The following USP35 variants were observed in gnomAD, a reference collection of about 807,000 sequenced individuals.
The protein encoded by USP35 is ubiquitin specific peptidase 35, also known as ubiquitin carboxyl-terminal hydrolase 35.
A neutral mutation model predicts 83.8 loss-of-function variants in USP35; 69 were observed. The observed-to-expected ratio is 0.82, with a 90% CI of 0.68 to 1.01. The LOEUF (loss-of-function observed/expected upper bound fraction) is 1.01. Ranked by LOEUF, USP35 falls within the 50% of genes least tolerant of loss-of-function variation. The pLI, the probability that USP35 is intolerant of heterozygous loss-of-function variation, is 0.00. For synonymous variants in USP35, 714 were observed against 589.5 expected, an observed-to-expected ratio of 1.21 and a Z score of -3.06; for missense variants, 1,503 against 1,362.5, an observed-to-expected ratio of 1.10 and a Z score of -1.62.
rs771087419 is a variant in USP35 at position 78,210,632 on chromosome 11, G to T, written c.2777G>T (p.Arg926Leu). 6 of 1,614,130 alleles carry T rather than the reference G, an allele frequency of 3.7e-6. No individual in the cohort carries two copies. The highest frequency in any genetic ancestry group is 5.1e-6 in the Non-Finnish European group (6 of 1,179,974). The change falls in exon 10 of 11, where the codon CGG becomes CTG. Residue 926 changes from arginine to leucine, a missense_variant. Transcript: ENST00000529308. ...DTAYVLFYRQ[R>L]PREGPEAELG... is the part of the protein sequence containing the mutation. Reference sequence around the variant, plus strand: ...GCCTATGTGCTGTTTTACCGGCAGCGGCCCAGGGAGGGGCCCGAGGCTGAG... The same window carrying T: ...GCCTATGTGCTGTTTTACCGGCAGCTGCCCAGGGAGGGGCCCGAGGCTGAG...
At chr11:78,219,277 G>T, downstream of USP35, 1 of 1,613,256 alleles carries the variant, frequency 6.2e-7, no homozygotes, top group Non-Finnish European at 8.5e-7. Flanking sequence ...TCTCATCACA[G>T]CTTGGCACCC....
At position 78,210,164 on chromosome 11, in the gene USP35, C is replaced by T. The variant is rs370078988; in HGVS notation, c.2309C>T (p.Ser770Phe). 3 of 1,613,648 alleles carry T rather than the reference C, an allele frequency of 1.9e-6. No individual in the cohort carries two copies. Among genetic ancestry groups the T allele is most frequent in the South Asian group, 1.1e-5 (1 of 91,056 alleles). ...SVLDLVNYFL[S>F]PEKLTAENRY... ...CTGGACCTGGTTAACTACTTCCTGT[C>T]CCCCGAGAAGCTGACAGCAGAAAAC... Residue 770 changes from serine (S) to phenylalanine (F), a missense_variant, in exon 10 of 11, where the codon TCC becomes TTC. Physicochemically the swap from Ser to Phe is radical, Grantham distance 155 (BLOSUM62 -2). Coordinates refer to ENST00000529308, the MANE Select transcript of USP35 (RefSeq NM_020798.4).
At chr11:78,225,228 G>A in the USP35 span, 6 of 1,469,978 alleles carry the variant, frequency 4.1e-6, no homozygotes, top group Non-Finnish European at 5.7e-6. Context: ...GGATTCATAA[G>A]TACTCATGGT....
In USP35 at chr11:78,208,969, G is replaced by T; in HGVS notation, c.1592+6G>T. ...CTGAAGTACCTGCTGGATCGGTAAG[G>T]GGGCCAGGGCTACGCGAAGACTCCA... On this transcript the variant is annotated splice_donor_region_variant and intron_variant, in intron 9 of 10. Coordinates refer to ENST00000529308, the MANE Select transcript of USP35 (RefSeq NM_020798.4). 9 of 1,613,926 alleles carry T rather than the reference G, an allele frequency of 5.6e-6. No homozygotes were observed. The highest frequency in any genetic ancestry group is 7.6e-6 in the Non-Finnish European group (9 of 1,179,822).
At position 78,210,696 on chromosome 11, in the gene USP35, C is replaced by T; in HGVS notation, c.2841C>T (p.His947=). Residue 947 remains histidine (H), a synonymous_variant, in exon 10 of 11, where the codon CAC becomes CAT. Coordinates refer to ENST00000529308, the MANE Select transcript of USP35 (RefSeq NM_020798.4). ...GAGTCCGGACAGAGCCCACCCTGCA[C>T]AAGGACTTGATGGAAGCCATTTCCA... The part of the protein sequence containing the change: ...SSRVRTEPTL[H]KDLMEAISKD... 6.3e-7 allele frequency: 1 copy of T among 1,593,922 alleles called. No homozygotes were observed. The highest frequency in any genetic ancestry group is 8.6e-7 in the Non-Finnish European group (1 of 1,168,922).
chr11:78,208,005 C>T lies in USP35; in HGVS notation c.1485+382C>T, dbSNP rs142232323. Among the ~76,000 whole-genome samples, 123 of 152,306 alleles carry T rather than the reference C, an allele frequency of 8.1e-4. No homozygotes were observed. In the South Asian group the frequency reaches 0.013, roughly 17 times the overall value. On this transcript the variant is annotated intron_variant, in intron 8 of 10. Transcript: ENST00000529308. ...AAGATCGAGGGGCTGTGTCTGGTGA[C>T]GGCCTTCTTGCTGCATTATAATGTG...
the USP35 span, among the ~76,000 whole-genome samples, chr11:78,220,886 A>G: frequency 6.6e-6 from 1 of 152,134 alleles, no homozygotes; most frequent in Non-Finnish European, 1.5e-5. Flanking sequence ...TATGCACTGG[A>G]AAGTTTTCTT....
Position 78,194,112 on chromosome 11 carries a change from G to GATGTCTGCCATGGTTACAACCCCACTA in USP35, c.-10-2103_-10-2102insCCACTAATGTCTGCCATGGTTACAACC, listed in dbSNP as rs1216917098. Among the ~76,000 whole-genome samples the GATGTCTGCCATGGTTACAACCCCACTA allele has an allele frequency of 3.4e-5, 5 of 148,458 alleles. No homozygotes were observed. The East Asian group carries it at 9.6e-4, about 29-fold the overall frequency. On this transcript the variant is annotated intron_variant, in intron 1 of 10. Coordinates refer to ENST00000529308, the MANE Select transcript of USP35 (RefSeq NM_020798.4). ...AGCAGGCCAGGATTTGGGAACCACT[G>GATGTCTGCCATGGTTACAACCCCACTA]ATGTCTGCCATGGTTACAACCTCTA...
At chr11:78,194,816 C>A (rs570294146) in intron 1 of USP35, among the ~76,000 whole-genome samples, 1 of 152,300 alleles carries the variant, frequency 6.6e-6, no homozygotes, top group South Asian at 2.1e-4. Flanking sequence ...CTGTGGTGAA[C>A]AAAACCTGAA....
Position 78,209,826 on chromosome 11 carries a change from G to A in USP35, c.1971G>A (p.Leu657=). ...CITEDTPPTS[L]YIEGLDSKEA... ...CAGAGGACACCCCCCCCACCAGCCTGTACATCGAAGGCCTGGACTCCAAGG... is the reference window on the plus strand; with the variant it reads ...CAGAGGACACCCCCCCCACCAGCCTATACATCGAAGGCCTGGACTCCAAGG... Residue 657 remains leucine (L), a synonymous_variant, in exon 10 of 11, where the codon CTG becomes CTA. Transcript: ENST00000529308. The A allele has an allele frequency of 6.2e-7, 1 of 1,613,676 alleles. No individual in the cohort carries two copies. The highest frequency in any genetic ancestry group is 1.1e-5 in the South Asian group (1 of 91,012).
intron 8 of USP35, among the ~76,000 whole-genome samples, chr11:78,208,135 G>A (rs1326590388): frequency 1.3e-5 from 2 of 152,160 alleles, no homozygotes; most frequent in Admixed American, 1.3e-4. Context: ...TGTGGCTGCT[G>A]GGGAAAGCAA....
the USP35 span, chr11:78,222,289 C>A: frequency 3.8e-6 from 3 of 794,052 alleles, no homozygotes; most frequent in Admixed American, 5.9e-5. Context: ...TTTATAAAGG[C>A]CTGCAAAGTC....
Position 78,205,957 on chromosome 11 carries a change from C to G in USP35, c.1313C>G (p.Thr438Arg). ...FYPRLMAKSD[T>R]GKIGLINLGN... ...CCCCGGCTCATGGCCAAGTCAGACA[C>G]GGGCAAGATTGGTCTCATCAACCTG... Residue 438 changes from threonine (T) to arginine (R), a missense_variant, in exon 7 of 11, where the codon ACG becomes AGG. Coordinates refer to ENST00000529308, the MANE Select transcript of USP35 (RefSeq NM_020798.4). 6.2e-7 allele frequency: 1 copy of G among 1,614,254 alleles called. No homozygotes were observed. The highest frequency in any genetic ancestry group is 8.5e-7 in the Non-Finnish European group (1 of 1,180,044).
At chr11:78,204,999 C>T (rs893254363) in intron 6 of USP35, among the ~76,000 whole-genome samples, 15 of 152,206 alleles carry the variant, frequency 9.9e-5, no homozygotes, top group Non-Finnish European at 4.4e-5. Context: ...GATCTGGAAA[C>T]AAGAACAGGG....
the USP35 span, among the ~76,000 whole-genome samples, chr11:78,225,869 A>G: frequency 6.6e-6 from 1 of 152,248 alleles, no homozygotes; most frequent in Non-Finnish European, 1.5e-5. Flanking sequence ...CAAACCATAA[A>G]GCAAGATGCA....
At chr11:78,225,657 C>T in the USP35 span, among the ~76,000 whole-genome samples, 5 of 152,176 alleles carry the variant, frequency 3.3e-5, no homozygotes, top group African/African-American at 7.2e-5. Context: ...CTCAAATTGT[C>T]GATGGATTGA....
At chr11:78,216,317 T>C (rs1307039869), downstream of USP35, 2 of 152,122 alleles carry the variant, frequency 1.3e-5, no homozygotes. Context: ...AGTGGGAAGG[T>C]ATCCCCTTTC....
rs759578200 is a variant in USP35 at position 78,210,308 on chromosome 11, T to C, written c.2453T>C (p.Met818Thr). Residue 818 changes from methionine (M) to threonine (T), a missense_variant, in exon 10 of 11, where the codon ATG (methionine) becomes ACG (threonine). Coordinates refer to ENST00000529308, the MANE Select transcript of USP35 (RefSeq NM_020798.4). Reference sequence around the variant, plus strand: ...CGCTTCTCTTTCGACCTGCGCACCATGCGGCGCCGCAAGATCCTGGATGAC... The same window carrying C: ...CGCTTCTCTTTCGACCTGCGCACCACGCGGCGCCGCAAGATCCTGGATGAC... ...LLRFSFDLRTMRRRKILDDVS... is the reference protein window; with the variant it reads ...LLRFSFDLRTTRRRKILDDVS... 67 of 1,613,644 alleles carry C rather than the reference T, an allele frequency of 4.2e-5. No individual in the cohort carries two copies. Among genetic ancestry groups the C allele is most frequent in the Middle Eastern group, 1.6e-4 (1 of 6,084 alleles).
At chr11:78,207,334 G>T in intron 7 of USP35, 196 bp from the exon 8 acceptor site, 1 of 584,398 alleles carries the variant, frequency 1.7e-6, no homozygotes, top group Non-Finnish European at 3.1e-6. Context: ...CTATTGTTGT[G>T]TTCCTGACCT....
Sources: allele counts gnomAD v4.1 joint callset (sites outside exome capture counted in the v4.1 genomes callset), GRCh38; gene constraint gnomAD v4.1.1; transcripts MANE v1.5; gene names NCBI Gene and HGNC (gene_info 2026-07-23, HGNC 2026-07-21).